The following MRPS18A variants were observed in gnomAD, a reference collection of about 807,000 sequenced individuals.
MRPS18A encodes the protein large ribosomal subunit protein mL66.
Under a neutral mutation model 22.7 loss-of-function variants are expected in MRPS18A, and 20 were observed. The observed-to-expected ratio is 0.88, with a 90% CI of 0.62 to 1.28. MRPS18A has a LOEUF of 1.28. MRPS18A is among the 50% of genes most tolerant of loss of function. The probability of loss-of-function intolerance (pLI) is 0.00; values close to 1 mark genes in which losing one functional copy is unlikely to be tolerated. For synonymous variants in MRPS18A, 106 were observed against 99.1 expected, an observed-to-expected ratio of 1.07 and a Z score of -0.41; for missense variants, 294 against 262.6, an observed-to-expected ratio of 1.12 and a Z score of -0.83.
rs763897647 is a variant in MRPS18A, at chr6:43,671,808, C to T, written c.545G>A (p.Arg182Lys). 9.3e-5 allele frequency: 150 copies of T among 1,614,092 alleles called. No individual in the cohort carries two copies. The highest frequency in any genetic ancestry group is 1.2e-4 in the Non-Finnish European group (144 of 1,180,044). The change falls in exon 6 of 6, where the codon AGG becomes AAG. Residue 182 changes from arginine to lysine, a missense_variant. Physicochemically the swap from Arg to Lys is conservative, Grantham distance 26. Coordinates refer to ENST00000372133, the MANE Select transcript of MRPS18A (RefSeq NM_018135.4). ...TGTTCTTGAGTAGCAGACATTGTCC[C>T]TCAGAAGGGGTGACCCCACGGGCAT... ...VRMPVGSPLL[R>K]DNVCYSRTPW...
At position 43,678,530 on chromosome 6, in the gene MRPS18A, CT is replaced by C; in HGVS notation, c.239del (p.Lys80SerfsTer40). On this transcript the variant is annotated frameshift_variant, in exon 3 of 6. Coordinates refer to ENST00000372133, the MANE Select transcript of MRPS18A (RefSeq NM_018135.4). LOFTEE classifies it high-confidence loss of function. Reference protein sequence around the residue: ...CPICRWNLKHKYNYDDVLLLS... With the variant: ...CPICRWNLKHXYNYDDVLLLS... ...TACCCAGACTCACGTCATAGTTATA[CT>C]TGTGCTTCAGGTTCCAACGGCAGAT... 1 of 1,611,478 alleles carries C rather than the reference CT, an allele frequency of 6.2e-7. No homozygotes were observed. The highest frequency in any genetic ancestry group is 8.5e-7 in the Non-Finnish European group (1 of 1,177,684).
chr6:43,680,186 G>A (rs1422196116), intron 2 of MRPS18A, among the ~76,000 whole-genome samples: 2 of 152,160 alleles, frequency 1.3e-5, no homozygotes, highest in Non-Finnish European at 2.9e-5. Context: ...AGTTGATAGA[G>A]TGAATGCTTG....
chr6:43,674,950 G>T (rs1181237895), intron 5 of MRPS18A, among the ~76,000 whole-genome samples: 1 of 152,174 alleles, frequency 6.6e-6, no homozygotes, highest in Non-Finnish European at 1.5e-5. Context: ...TGATGTCATA[G>T]ATGGGGGATT....
rs1389457649 is a variant in MRPS18A, at chr6:43,673,234, C to T, written c.447-1328G>A. ...AACTCCTGACCTCAAGTGATCCGCC[C>T]GCCTCGGCCTCCCAAATTGCTGGGA... On this transcript the variant is annotated intron_variant, in intron 5 of 5. Transcript: ENST00000372133. The surrounding 1 kb of genome is among the most constrained non-coding windows in gnomAD (Gnocchi z 4.2). Among the ~76,000 whole-genome samples the T allele has an allele frequency of 2.0e-5, 3 of 151,980 alleles. No homozygotes were observed. The highest frequency in any genetic ancestry group is 7.3e-5 in the African/African-American group (3 of 41,344).
chr6:43,678,447 T>G (rs1220361499), intron 3 of MRPS18A, 71 bp downstream of exon 3: 1 of 1,157,178 alleles, frequency 8.6e-7, no homozygotes, highest in Non-Finnish European at 1.3e-6. Flanking sequence ...GGGGACATGC[T>G]GCTCCAGTTA....
intron 1 of MRPS18A, among the ~76,000 whole-genome samples, chr6:43,686,532 G>A (rs751344550): frequency 6.6e-6 from 1 of 152,000 alleles, no homozygotes; most frequent in African/African-American, 2.4e-5. Flanking sequence ...TCTCCAAACT[G>A]GATTCCTTGT....
chr6:43,671,662 G>A lies in MRPS18A; in HGVS notation c.*100C>T, dbSNP rs960086355. The A allele has an allele frequency of 5.3e-5, 75 of 1,406,252 alleles. No individual in the cohort carries two copies. In the East Asian group the frequency reaches 1.6e-3, roughly 31 times the overall value. The allele number at this position is 1,406,252 out of a possible 1,614,324, so 87.1% of individuals were successfully genotyped here. On this transcript the variant is annotated 3_prime_UTR_variant, in exon 6 of 6. Coordinates refer to ENST00000372133, the MANE Select transcript of MRPS18A (RefSeq NM_018135.4). ...ATGTTGGAGGGACCAGGCCATCGTG[G>A]TGGGGTGGGACAGGAGTATAGTTGT... is the stretch of plus-strand genomic sequence containing the variant.
chr6:43,682,110 G>A (rs918192177), intron 1 of MRPS18A, among the ~76,000 whole-genome samples: 13 of 152,176 alleles, frequency 8.5e-5, no homozygotes, highest in African/African-American at 3.1e-4. Context: ...AAGGAGACCA[G>A]CCTGCGCAAT....
chr6:43,680,253 C>A (rs1486592656), intron 2 of MRPS18A, among the ~76,000 whole-genome samples: 1 of 152,066 alleles, frequency 6.6e-6, no homozygotes, highest in African/African-American at 2.4e-5. Context: ...GGGGGGGTCC[C>A]CTAAAAAGAA....
chr6:43,683,335 A>G (rs757781811), intron 1 of MRPS18A, among the ~76,000 whole-genome samples: 3 of 152,222 alleles, frequency 2.0e-5, no homozygotes, highest in Admixed American at 6.5e-5. Flanking sequence ...ACTGACACTG[A>G]TCAGGGTGGT....
intron 1 of MRPS18A, 118 bp from the exon 2 acceptor site, chr6:43,681,238 A>C: frequency 2.0e-6 from 2 of 1,020,760 alleles, no homozygotes; most frequent in Non-Finnish European, 2.9e-6. Flanking sequence ...GTACTCTCTC[A>C]TGGTCTCCAC....
intron 1 of MRPS18A, among the ~76,000 whole-genome samples, chr6:43,683,050 T>C (rs3778493): frequency 0.037 from 5,569 of 152,174 alleles, 228 homozygotes; most frequent in East Asian, 0.21. Context: ...CCCTGCTTGG[T>C]GGAGGCACTT....
chr6:43,672,095 G>T, intron 5 of MRPS18A, 189 bp from the exon 6 acceptor site: 1 of 694,108 alleles, frequency 1.4e-6, no homozygotes, highest in Non-Finnish European at 2.4e-6. Flanking sequence ...GATGGGCTGG[G>T]CTCTTGCTGC....
At chr6:43,674,648 C>T (rs1055255478) in intron 5 of MRPS18A, among the ~76,000 whole-genome samples, 2 of 152,194 alleles carry the variant, frequency 1.3e-5, no homozygotes, top group African/African-American at 4.8e-5. Context: ...AAAGTGATTC[C>T]AAGGTCTGCA....
chr6:43,677,779 G>A (rs756957715), intron 3 of MRPS18A, among the ~76,000 whole-genome samples: 1 of 152,150 alleles, frequency 6.6e-6, no homozygotes, highest in Non-Finnish European at 1.5e-5. Context: ...TAGGGTTACT[G>A]TGAAAACTAA....
At chr6:43,680,275 C>T (rs2127949516) in intron 2 of MRPS18A, among the ~76,000 whole-genome samples, 1 of 152,068 alleles carries the variant, frequency 6.6e-6, no homozygotes, top group East Asian at 1.9e-4. Flanking sequence ...TGTTTTGAGG[C>T]TAAGTAGTGG....
chr6:43,674,633 C>T lies in MRPS18A; in HGVS notation c.446+569G>A, dbSNP rs1003244910. On this transcript the variant is annotated intron_variant, in intron 5 of 5. Coordinates refer to ENST00000372133, the MANE Select transcript of MRPS18A (RefSeq NM_018135.4). ...ACAGGGTCCTGCTTAGACTAGAAGG[C>T]AGACAAAGTGATTCCAAGGTCTGCA... Among the ~76,000 whole-genome samples, 8 of 152,212 alleles carry T rather than the reference C, an allele frequency of 5.3e-5. No homozygotes were observed. The South Asian group carries it at 1.2e-3, about 24-fold the overall frequency.
At chr6:43,671,934 G>T in intron 5 of MRPS18A, 28 bp from the exon 6 acceptor site, 1 of 1,563,356 alleles carries the variant, frequency 6.4e-7, no homozygotes. Flanking sequence ...AGAGGTGCCT[G>T]TGAGGGCTGG....
chr6:43,677,951 G>A (rs1488899004), intron 3 of MRPS18A, among the ~76,000 whole-genome samples: 2 of 152,136 alleles, frequency 1.3e-5, no homozygotes, highest in African/African-American at 4.8e-5. Context: ...ACAAGGTAAT[G>A]TGTTCCCAGA....
Sources: gnomAD v4.1 joint callset for allele counts (sites outside exome capture counted in the v4.1 genomes callset) on GRCh38, gnomAD v4.1.1 for gene constraint, Gnocchi (gnomAD v3.1) non-coding constraint, MANE v1.5 for transcripts, NCBI Gene and HGNC (gene_info 2026-07-23, HGNC 2026-07-21) for gene names.